Variants in EMC10 observed in about 807,000 individuals in gnomAD.
EMC10 encodes the protein ER membrane protein complex subunit 10.
In EMC10, 40 loss-of-function variants were observed where a neutral mutation model predicts 32.2. That is an observed-to-expected ratio of 1.24 (90% CI 0.96 to 1.61). The LOEUF is 1.61. EMC10 is among the 40% of genes most tolerant of loss of function. The probability of loss-of-function intolerance (pLI) is 0.00; values close to 1 mark genes in which losing one functional copy is unlikely to be tolerated. For missense variants in EMC10, 402 were observed against 357.7 expected (o/e 1.12, Z -1.00); for synonymous variants, 178 against 158.4 (o/e 1.12, Z -0.93).
At chr19:50,481,268 A>G in intron 6 of EMC10, 1 of 374,740 alleles carries the variant, frequency 2.7e-6, no homozygotes, top group Non-Finnish European at 4.8e-6. Context: ...GGAGGTTTCA[A>G]AGGAACCAGG....
At chr19:50,477,825 G>A in intron 1 of EMC10, 104 bp from the exon 2 acceptor site, 1 of 784,242 alleles carries the variant, frequency 1.3e-6, no homozygotes, top group South Asian at 1.9e-5. Flanking sequence ...TGAAGATAAG[G>A]CTCCTCCCTC....
Position 50,488,541 on chromosome 19 carries a change from G to A in EMC10, c.*6282G>A. 1 of 138,210 alleles carries A rather than the reference G, an allele frequency of 7.2e-6. No individual in the cohort carries two copies. Among genetic ancestry groups the A allele is most frequent in the African/African-American group, 2.7e-5 (1 of 37,304 alleles). The allele number at this position is 138,210 out of a possible 1,614,324, so 8.6% of individuals were successfully genotyped here. A position where few individuals can be genotyped will look rare whatever the true frequency, so the allele number is the denominator to read the frequency against. ...GGTGAAGGAGGGAGCGTCCTAGGGAGAAGTGGGTGGGGGAGAGGGTGTTGG... is the reference window on the plus strand; with the variant it reads ...GGTGAAGGAGGGAGCGTCCTAGGGAAAAGTGGGTGGGGGAGAGGGTGTTGG... On this transcript the variant is annotated 3_prime_UTR_variant, in exon 7 of 7. Transcript: ENST00000334976.
rs1426118560 is a variant in EMC10, at chr19:50,486,476, G to GC, written c.*4221dup. The GC allele has an allele frequency of 6.6e-6, 1 of 152,084 alleles. No individual in the cohort carries two copies. The highest frequency in any genetic ancestry group is 1.5e-5 in the Non-Finnish European group (1 of 68,038). 9.4% of individuals were successfully genotyped at this position (152,084 alleles called of 1,614,324 possible). A position where few individuals can be genotyped will look rare whatever the true frequency, so the allele number is the denominator to read the frequency against. ...GCTGGGATTACATGTGTGAGCCACCGCCCCTGGCCTCTGTAGGCTTCTTTA... is the reference window on the plus strand; with the variant it reads ...GCTGGGATTACATGTGTGAGCCACCGCCCCCTGGCCTCTGTAGGCTTCTTTA... On this transcript the variant is annotated 3_prime_UTR_variant, in exon 7 of 7. Coordinates refer to ENST00000334976, the MANE Select transcript of EMC10 (RefSeq NM_206538.4).
At chr19:50,478,529 C>T (rs1253612684) in intron 2 of EMC10, among the ~76,000 whole-genome samples, 3 of 152,146 alleles carry the variant, frequency 2.0e-5, no homozygotes, top group Admixed American at 1.3e-4. Flanking sequence ...TCTGAGGCCC[C>T]GAACCTGAGG....
chr19:50,479,507 T>A (rs977149360), intron 3 of EMC10, among the ~76,000 whole-genome samples: 2 of 151,856 alleles, frequency 1.3e-5, no homozygotes, highest in African/African-American at 4.8e-5. Flanking sequence ...TCCGCAGGGG[T>A]CATGCAGAGA....
chr19:50,478,998 A>C lies in EMC10; in HGVS notation c.229A>C (p.Asn77His). Residue 77 changes from asparagine to histidine, a missense_variant, in exon 3 of 7, where the codon AAC becomes CAC. Coordinates refer to ENST00000334976, the MANE Select transcript of EMC10 (RefSeq NM_206538.4). ...NFRKRGSLLW[N>H]QQDGTLSLSQ... ...CCGGAAGCGGGGCTCACTGCTCTGG[A>C]ACCAGCAGGATGGTACCTTGTCCCT... is the stretch of plus-strand genomic sequence containing the variant. 1 of 1,611,516 alleles carries C rather than the reference A, an allele frequency of 6.2e-7. No homozygotes were observed. Among genetic ancestry groups the C allele is most frequent in the Non-Finnish European group, 8.5e-7 (1 of 1,179,592 alleles).
rs966587738 is a variant in EMC10 at position 50,487,502 on chromosome 19, G to A, written c.*5243G>A. The A allele has an allele frequency of 6.6e-6, 1 of 152,404 alleles. No individual in the cohort carries two copies. Among genetic ancestry groups the A allele is most frequent in the African/African-American group, 2.4e-5 (1 of 41,460 alleles). 9.4% of individuals were successfully genotyped at this position (152,404 alleles called of 1,614,324 possible). A position where few individuals can be genotyped will look rare whatever the true frequency, so the allele number is the denominator to read the frequency against. ...CCTCCAGGCAGTGTCCAGAGTTCCG[G>A]ACAGATGGAAAAGGAAGAGAGAATG... On this transcript the variant is annotated 3_prime_UTR_variant, in exon 7 of 7. Transcript: ENST00000334976.
chr19:50,476,898 T>C (rs1382859589), intron 1 of EMC10: 1 of 393,458 alleles, frequency 2.5e-6, no homozygotes, highest in Non-Finnish European at 4.5e-6. Context: ...CGGGAATATG[T>C]ATGAGGGGGC....
In EMC10 at chr19:50,486,744, A is replaced by T. The variant is rs912877753; in HGVS notation, c.*4485A>T. 11 of 152,130 alleles carry T rather than the reference A, an allele frequency of 7.2e-5. No homozygotes were observed. The highest frequency in any genetic ancestry group is 2.7e-4 in the African/African-American group (11 of 41,412). 9.4% of individuals were successfully genotyped at this position (152,130 alleles called of 1,614,324 possible). The stretch of plus-strand genomic sequence containing the variant: ...GCAGTCCCAGTTGCATTTCCATGGG[A>T]GCCAATCCACCCACCCATAGAATGA... On this transcript the variant is annotated 3_prime_UTR_variant, in exon 7 of 7. Transcript: ENST00000334976.
chr19:50,478,851 A>C, intron 2 of EMC10, 106 bp from the exon 3 acceptor site: 1 of 750,942 alleles, frequency 1.3e-6, no homozygotes. Context: ...GAACCTGGTC[A>C]CTCGGGTGGA....
rs1978355373 is a variant in EMC10 at position 50,486,400 on chromosome 19, G to A, written c.*4141G>A. 1 of 152,188 alleles carries A rather than the reference G, an allele frequency of 6.6e-6. No homozygotes were observed. The highest frequency in any genetic ancestry group is 1.5e-5 in the Non-Finnish European group (1 of 68,058). 9.4% of individuals were successfully genotyped at this position (152,188 alleles called of 1,614,324 possible). A position where few individuals can be genotyped will look rare whatever the true frequency, so the allele number is the denominator to read the frequency against. ...AGACCGGGTTTCACCATGTTGGCCAGGCTGGTCTTGAACTCCTGACCTCAA... is the reference window on the plus strand; with the variant it reads ...AGACCGGGTTTCACCATGTTGGCCAAGCTGGTCTTGAACTCCTGACCTCAA... On this transcript the variant is annotated 3_prime_UTR_variant, in exon 7 of 7. Transcript: ENST00000334976.
At chr19:50,477,762 T>C (rs968337396) in intron 1 of EMC10, among the ~76,000 whole-genome samples, 167 bp from the exon 2 acceptor site, 2 of 152,150 alleles carry the variant, frequency 1.3e-5, no homozygotes, top group African/African-American at 4.8e-5. Context: ...AGTATGAATA[T>C]TCATGAAATG....
At chr19:50,479,498 C>T (rs1461774713) in intron 3 of EMC10, among the ~76,000 whole-genome samples, 2 of 152,176 alleles carry the variant, frequency 1.3e-5, no homozygotes, top group African/African-American at 4.8e-5. Context: ...GCTCAATCCT[C>T]CGCAGGGGTC....
In EMC10 at chr19:50,482,315, G is replaced by T; in HGVS notation, c.*56G>T. Reference sequence around the variant, plus strand: ...ACACCCAGGGGCCTCCCTTTCTGCTGGAGTCCCCTGTGTCCTCAGCCATCC... The same window carrying T: ...ACACCCAGGGGCCTCCCTTTCTGCTTGAGTCCCCTGTGTCCTCAGCCATCC... On this transcript the variant is annotated 3_prime_UTR_variant, in exon 7 of 7. Coordinates refer to ENST00000334976, the MANE Select transcript of EMC10 (RefSeq NM_206538.4). 1 of 751,080 alleles carries T rather than the reference G, an allele frequency of 1.3e-6. No homozygotes were observed. The allele number at this position is 751,080 out of a possible 1,614,324, so 46.5% of individuals were successfully genotyped here. A position where few individuals can be genotyped will look rare whatever the true frequency, so the allele number is the denominator to read the frequency against.
chr19:50,482,048 T>A, intron 6 of EMC10, 101 bp from the exon 7 acceptor site: 1 of 1,475,370 alleles, frequency 6.8e-7, no homozygotes, highest in African/African-American at 1.4e-5. Flanking sequence ...CGACCTCCCC[T>A]CATGCCGGTC....
At position 50,480,222 on chromosome 19, in the gene EMC10, T is replaced by C. The variant is rs1031529171; in HGVS notation, c.402+7T>C. 6.2e-7 allele frequency: 1 copy of C among 1,612,006 alleles called. No individual in the cohort carries two copies. The highest frequency in any genetic ancestry group is 8.5e-7 in the Non-Finnish European group (1 of 1,178,956). ...CTCCTCCTTTGTCCCTGCGGTGAGTTGGTGTCGGGGATGAGCCCCCTTCTC... is the reference window on the plus strand; with the variant it reads ...CTCCTCCTTTGTCCCTGCGGTGAGTCGGTGTCGGGGATGAGCCCCCTTCTC... On this transcript the variant is annotated splice_region_variant and intron_variant, in intron 4 of 6. Coordinates refer to ENST00000334976, the MANE Select transcript of EMC10 (RefSeq NM_206538.4). The surrounding 1 kb of genome is among the most constrained non-coding windows in gnomAD (Gnocchi z 4.4).
rs1470035356 is a variant in EMC10, at chr19:50,482,296, A to T, written c.*37A>T. ...GGTCAGCGTCCCGTCTTGCACACCC[A>T]GGGGCCTCCCTTTCTGCTGGAGTCC... On this transcript the variant is annotated 3_prime_UTR_variant, in exon 7 of 7. Coordinates refer to ENST00000334976, the MANE Select transcript of EMC10 (RefSeq NM_206538.4). 1 of 859,848 alleles carries T rather than the reference A, an allele frequency of 1.2e-6. No homozygotes were observed. The highest frequency in any genetic ancestry group is 1.6e-5 in the South Asian group (1 of 62,010). The allele number at this position is 859,848 out of a possible 1,614,324, so 53.3% of individuals were successfully genotyped here.
At chr19:50,476,813 G>C (rs1272165139) in intron 1 of EMC10, 155 bp downstream of exon 1, 2 of 557,084 alleles carry the variant, frequency 3.6e-6, no homozygotes, top group African/African-American at 2.0e-5. Context: ...CGCACGCGCA[G>C]GAGGGGCCTC....
intron 2 of EMC10, 36 bp downstream of exon 2, chr19:50,478,037 A>G (rs1017877876): frequency 3.2e-6 from 5 of 1,543,678 alleles, no homozygotes; most frequent in Admixed American, 2.0e-5. Context: ...GACACTTAAC[A>G]TTGGTGCCCT....
Sources: gnomAD v4.1 joint callset for allele counts (sites outside exome capture counted in the v4.1 genomes callset) on GRCh38, gnomAD v4.1.1 for gene constraint, Gnocchi (gnomAD v3.1) non-coding constraint, MANE v1.5 for transcripts, NCBI Gene and HGNC (gene_info 2026-07-23, HGNC 2026-07-21) for gene names.